The following DLG5 variants were observed in gnomAD, a reference collection of about 807,000 sequenced individuals.
DLG5 encodes the protein discs large MAGUK scaffold protein 5.
A neutral mutation model predicts 189.8 loss-of-function variants in DLG5; 48 were observed. The observed-to-expected ratio is 0.25, with a 90% CI of 0.20 to 0.32. The LOEUF is 0.32. Ranked by LOEUF, DLG5 falls within the 10% of genes least tolerant of loss-of-function variation. The pLI, the probability that DLG5 is intolerant of heterozygous loss-of-function variation, is 1.00. For synonymous variants in DLG5, 1,016 were observed against 1,054.1 expected (o/e 0.96, Z 0.70); for missense variants, 2,160 against 2,544.7 (o/e 0.85, Z 3.25).
chr10:77,851,434 C>T (rs994582907), intron 5 of DLG5, among the ~76,000 whole-genome samples: 5 of 152,186 alleles, frequency 3.3e-5, no homozygotes, highest in Non-Finnish European at 7.3e-5. Flanking sequence ...ACCCCCACCT[C>T]CTGAATCTAT....
chr10:77,853,734 C>T (rs1469941094), intron 4 of DLG5, among the ~76,000 whole-genome samples, 197 bp from the exon 5 acceptor site: 1 of 152,220 alleles, frequency 6.6e-6, no homozygotes, highest in Admixed American at 6.5e-5. Context: ...CAAATCACCA[C>T]TTACAAACCT....
chr10:77,939,179 T>TCAAAA, the DLG5 span, among the ~76,000 whole-genome samples: 16 of 152,200 alleles, frequency 1.1e-4, no homozygotes, highest in Admixed American at 9.2e-4. Flanking sequence ...AAACTCCGTC[T>TCAAAA]CAAAACAAAA....
intron 1 of DLG5, among the ~76,000 whole-genome samples, chr10:77,925,342 T>G (rs976109652): frequency 6.6e-6 from 1 of 152,186 alleles, no homozygotes; most frequent in African/African-American, 2.4e-5. Context: ...CCTCCCTCAG[T>G]GCCATGTCTT....
At chr10:77,929,976 A>G (rs567876737), upstream of DLG5, among the ~76,000 whole-genome samples, 36 of 152,294 alleles carry the variant, frequency 2.4e-4, no homozygotes, top group South Asian at 7.5e-3. Context: ...TCACTCTTCT[A>G]CTGCCTAAGG....
rs184151617 is a variant in DLG5, at chr10:77,846,863, G to T, written c.865-3157C>A. ...CGGGGAGACGAGCCAACGCTCTCCT[G>T]CAGCGGCTTCCCGCCTTCCCAGCTC... is the stretch of plus-strand genomic sequence containing the variant. On this transcript the variant is annotated intron_variant, in intron 5 of 31. Coordinates refer to ENST00000372391, the MANE Select transcript of DLG5 (RefSeq NM_004747.4). The T allele has an allele frequency of 2.7e-4, 104 of 388,742 alleles. No individual in the cohort carries two copies. In the East Asian group the frequency reaches 7.8e-3, roughly 29 times the overall value. The allele number at this position is 388,742 out of a possible 1,614,324, so 24.1% of individuals were successfully genotyped here.
At chr10:77,833,677 C>T (rs1257850980) in intron 9 of DLG5, among the ~76,000 whole-genome samples, 2 of 152,226 alleles carry the variant, frequency 1.3e-5, no homozygotes, top group Non-Finnish European at 2.9e-5. Flanking sequence ...GGTGCCTGCC[C>T]TGTGTCTAAG....
At position 77,817,872 on chromosome 10, in the gene DLG5, C is replaced by A. The variant is rs767233309; in HGVS notation, c.3689G>T (p.Arg1230Leu). The change falls in exon 18 of 32, where the codon CGC (arginine) becomes CTC (leucine). Residue 1230 changes from arginine to leucine, a missense_variant. Arg to Leu is a moderately radical substitution (Grantham distance 102). Coordinates refer to ENST00000372391, the MANE Select transcript of DLG5 (RefSeq NM_004747.4). ...GLHPSVQHQG[R>L]LSLDLSHRTC... ...CCTGTGGCTCAGGTCCAGGCTCAGG[C>A]GTCCCTGGTGCTGGACACTGCGTAA... The A allele has an allele frequency of 6.4e-7, 1 of 1,551,980 alleles. No homozygotes were observed. Among genetic ancestry groups the A allele is most frequent in the South Asian group, 1.2e-5 (1 of 84,064 alleles).
chr10:77,868,397 A>C, intron 2 of DLG5: 1 of 343,808 alleles, frequency 2.9e-6, no homozygotes, highest in South Asian at 2.3e-5. Flanking sequence ...GTGAGCTGAC[A>C]TATGAAAGAG....
At chr10:77,927,868 A>T (rs1846744182), upstream of DLG5, 1 of 152,244 alleles carries the variant, frequency 6.6e-6, no homozygotes, top group Non-Finnish European at 1.5e-5. Flanking sequence ...GCGCTCAGTG[A>T]TCCCGCAGTG....
chr10:77,846,836 C>G, intron 5 of DLG5: 1 of 409,456 alleles, frequency 2.4e-6, no homozygotes, highest in Non-Finnish European at 4.9e-6. Flanking sequence ...AGGTGGCAGC[C>G]GCGGGGAGAC....
intron 2 of DLG5, among the ~76,000 whole-genome samples, chr10:77,863,103 C>G (rs919906827): frequency 1.6e-4 from 24 of 151,946 alleles, no homozygotes; most frequent in African/African-American, 5.3e-4. Flanking sequence ...AAAAAAATTT[C>G]TTTTTTGAGA....
intron 7 of DLG5, among the ~76,000 whole-genome samples, chr10:77,838,713 CGGT>C (rs1444001794): frequency 6.6e-6 from 1 of 152,198 alleles, no homozygotes; most frequent in Non-Finnish European, 1.5e-5. Flanking sequence ...GATGGCTCTG[CGGT>C]GAGGGAGCTA....
intron 1 of DLG5, among the ~76,000 whole-genome samples, chr10:77,916,823 A>G (rs1220150765): frequency 6.6e-6 from 1 of 151,514 alleles, no homozygotes; most frequent in East Asian, 1.9e-4. Flanking sequence ...ATGGTGTCAT[A>G]GCAGCATTAT....
intron 1 of DLG5, among the ~76,000 whole-genome samples, chr10:77,918,871 C>T (rs752662470): frequency 6.6e-6 from 1 of 152,090 alleles, no homozygotes; most frequent in Non-Finnish European, 1.5e-5. Context: ...TATAGAGCCC[C>T]CTCGCATGGG....
intron 20 of DLG5, among the ~76,000 whole-genome samples, chr10:77,813,075 G>C (rs1245433847): frequency 6.6e-6 from 1 of 152,236 alleles, no homozygotes; most frequent in Non-Finnish European, 1.5e-5. Context: ...AGGTGACAAA[G>C]GTTAGAAAGA....
chr10:77,813,946 T>C lies in DLG5; in HGVS notation c.4026-1569A>G, dbSNP rs140233253. Among the ~76,000 whole-genome samples, 749 of 152,310 alleles carry C rather than the reference T, an allele frequency of 4.9e-3. 9 individuals are homozygous for C. The highest frequency in any genetic ancestry group is 0.017 in the African/African-American group (692 of 41,568). ...ACATTACCAAGTGTTAACAATGGTG[T>C]CTCCAGTTGAGGGGATCTGAGCTAA... On this transcript the variant is annotated intron_variant, in intron 20 of 31. Transcript: ENST00000372391.
At position 77,792,302 on chromosome 10, in the gene DLG5, T is replaced by G; in HGVS notation, c.*138A>C. The G allele has an allele frequency of 1.2e-6, 1 of 824,770 alleles. No homozygotes were observed. Among genetic ancestry groups the G allele is most frequent in the Non-Finnish European group, 2.0e-6 (1 of 501,726 alleles). 51.1% of individuals were successfully genotyped at this position (824,770 alleles called of 1,614,324 possible). A position where few individuals can be genotyped will look rare whatever the true frequency, so the allele number is the denominator to read the frequency against. ...CGTGGCCCTCTGTCTACAAAGGAGG[T>G]GCTTCTGGGTCCTGGTTCCGGATCC... is the stretch of plus-strand genomic sequence containing the variant. On this transcript the variant is annotated 3_prime_UTR_variant, in exon 32 of 32. Transcript: ENST00000372391.
At chr10:77,908,648 C>T (rs1846134132) in intron 1 of DLG5, among the ~76,000 whole-genome samples, 2 of 152,190 alleles carry the variant, frequency 1.3e-5, no homozygotes, top group South Asian at 4.1e-4. Flanking sequence ...CTCCCTCCTT[C>T]CAGCCGCCTG....
At chr10:77,924,369 C>G (rs1564600371) in intron 1 of DLG5, among the ~76,000 whole-genome samples, 1 of 152,118 alleles carries the variant, frequency 6.6e-6, no homozygotes, top group Non-Finnish European at 1.5e-5. Context: ...ACTTCAGCCC[C>G]ATGAGGCCCC....
Sources: gnomAD v4.1 joint callset for allele counts (sites outside exome capture counted in the v4.1 genomes callset) on GRCh38, gnomAD v4.1.1 for gene constraint, MANE v1.5 for transcripts, NCBI Gene and HGNC (gene_info 2026-07-23, HGNC 2026-07-21) for gene names.